The following CTNNAL1 variants were observed in gnomAD, a reference collection of about 807,000 sequenced individuals.
CTNNAL1 encodes catenin alpha like 1.
CTNNAL1 carries 69 observed loss-of-function variants against 93.6 expected under a neutral mutation model. That is an observed-to-expected ratio of 0.74 (90% confidence interval 0.61 to 0.90). CTNNAL1 has a LOEUF of 0.90. CTNNAL1 is among the 40% of genes least tolerant of loss of function. The pLI is 0.00. For synonymous variants in CTNNAL1, 286 were observed against 305.4 expected, an observed-to-expected ratio of 0.94 and a Z score of 0.66; for missense variants, 836 against 862.0, an observed-to-expected ratio of 0.97 and a Z score of 0.38.
At position 108,972,744 on chromosome 9, in the gene CTNNAL1, T is replaced by G; in HGVS notation, c.1278A>C (p.Val426=). The part of the protein sequence containing the change: ...VVLKALKLTG[V]EGNLEALAEY... The stretch of plus-strand genomic sequence containing the variant: ...CAGCCAAAGCTTCTAAATTTCCTTC[T>G]ACTCCAGTAAGTTTTAATGCTTTTA... The change falls in exon 9 of 19, where the codon GTA becomes GTC. Residue 426 remains valine, a synonymous_variant. Coordinates refer to ENST00000325551, the MANE Select transcript of CTNNAL1 (RefSeq NM_003798.4). The G allele has an allele frequency of 6.2e-7, 1 of 1,613,386 alleles. No individual in the cohort carries two copies. The highest frequency in any genetic ancestry group is 8.5e-7 in the Non-Finnish European group (1 of 1,179,964).
At chr9:108,984,537 C>T (rs538364818) in intron 4 of CTNNAL1, 101 bp from the exon 5 acceptor site, 29 of 435,926 alleles carry the variant, frequency 6.7e-5, no homozygotes, top group Non-Finnish European at 1.1e-4. Flanking sequence ...AATTCACTAA[C>T]ATTGTTAAGT....
chr9:108,987,027 G>C lies in CTNNAL1; in HGVS notation c.640-2591C>G, dbSNP rs1831631785. Among the ~76,000 whole-genome samples, 3 of 152,124 alleles carry C rather than the reference G, an allele frequency of 2.0e-5. No individual in the cohort carries two copies. In the South Asian group the frequency reaches 6.2e-4, roughly 32 times the overall value. Reference sequence around the variant, plus strand: ...TCTTTTGCTGTGCAGAAGCTCTTTAGTTTAATTAGATCCCATTTGTCAATG... The same window carrying C: ...TCTTTTGCTGTGCAGAAGCTCTTTACTTTAATTAGATCCCATTTGTCAATG... On this transcript the variant is annotated intron_variant, in intron 4 of 18. Coordinates refer to ENST00000325551, the MANE Select transcript of CTNNAL1 (RefSeq NM_003798.4).
At position 108,985,008 on chromosome 9, in the gene CTNNAL1, G is replaced by T. The variant is rs369000964; in HGVS notation, c.640-572C>A. Among the ~76,000 whole-genome samples, 73 of 152,242 alleles carry T rather than the reference G, an allele frequency of 4.8e-4. 1 individual carries two copies. The South Asian group carries it at 9.8e-3, about 20-fold the overall frequency. On this transcript the variant is annotated intron_variant, in intron 4 of 18. Transcript: ENST00000325551. Reference sequence around the variant, plus strand: ...AATTTTCCCCAACAAGATTGAAAAGGAACACCTAAGAAAGCACTGTGTATT... The same window carrying T: ...AATTTTCCCCAACAAGATTGAAAAGTAACACCTAAGAAAGCACTGTGTATT...
At chr9:109,002,830 AAAAAAG>A (rs1177541732) in intron 1 of CTNNAL1, among the ~76,000 whole-genome samples, 1 of 151,236 alleles carries the variant, frequency 6.6e-6, no homozygotes, top group East Asian at 2.0e-4. Context: ...CTAAAAAAAA[AAAAAAG>A]AAAAAAGTTA....
intron 8 of CTNNAL1, 31 bp from the exon 9 acceptor site, chr9:108,972,864 G>GGGGGGGGGGGGCCCCCCCCCCC: frequency 7.0e-5 from 10 of 142,474 alleles, no homozygotes; most frequent in African/African-American, 9.6e-5. Flanking sequence ...GGGGGGGTGG[G>GGGGGGGGGGGGCCCCCCCCCCC]AGGGTGGAGA....
chr9:108,995,431 G>A (rs926859020), intron 2 of CTNNAL1, among the ~76,000 whole-genome samples: 6 of 152,056 alleles, frequency 3.9e-5, no homozygotes, highest in African/African-American at 9.7e-5. Flanking sequence ...TCATAAGTAC[G>A]TGGGACAGTA....
intron 4 of CTNNAL1, among the ~76,000 whole-genome samples, chr9:108,989,256 C>T (rs1025701479): frequency 6.6e-6 from 1 of 152,110 alleles, no homozygotes; most frequent in Non-Finnish European, 1.5e-5. Context: ...TGACTCATGC[C>T]ACGCTTGCTC....
At chr9:108,967,893 G>A (rs1223408596) in intron 10 of CTNNAL1, among the ~76,000 whole-genome samples, 3 of 152,210 alleles carry the variant, frequency 2.0e-5, no homozygotes, top group African/African-American at 7.2e-5. Context: ...TCAGGGCCAT[G>A]TTAGCTAATA....
At chr9:108,993,728 C>T (rs1228715459) in intron 2 of CTNNAL1, among the ~76,000 whole-genome samples, 1 of 152,150 alleles carries the variant, frequency 6.6e-6, no homozygotes, top group Non-Finnish European at 1.5e-5. Context: ...AAATAATAAA[C>T]CTTTAACCAA....
At chr9:108,958,795 G>A (rs955615670) in intron 11 of CTNNAL1, among the ~76,000 whole-genome samples, 2 of 151,352 alleles carry the variant, frequency 1.3e-5, no homozygotes, top group African/African-American at 4.9e-5. Flanking sequence ...GTGCAATCTC[G>A]GCTCACTGCA....
intron 1 of CTNNAL1, among the ~76,000 whole-genome samples, chr9:109,011,871 C>T (rs1220019787): frequency 6.6e-6 from 1 of 152,226 alleles, no homozygotes; most frequent in Non-Finnish European, 1.5e-5. Flanking sequence ...GTAAGCATTA[C>T]ATAGGTGTTA....
intron 14 of CTNNAL1, among the ~76,000 whole-genome samples, chr9:108,949,914 C>T (rs777013059): frequency 6.6e-6 from 1 of 151,104 alleles, no homozygotes; most frequent in Non-Finnish European, 1.5e-5. Context: ...ATCCCAGCTA[C>T]TCGGGAGGCT....
chr9:109,003,341 T>C (rs1372141674), intron 1 of CTNNAL1, among the ~76,000 whole-genome samples: 1 of 152,224 alleles, frequency 6.6e-6, no homozygotes, highest in Non-Finnish European at 1.5e-5. Context: ...GATAATCGTA[T>C]TGGCAGAAAC....
chr9:108,990,918 G>A (rs1831775559), intron 3 of CTNNAL1, 73 bp from the exon 4 acceptor site: 1 of 1,501,356 alleles, frequency 6.7e-7, no homozygotes, highest in South Asian at 1.4e-5. Context: ...GCTGAGTAGA[G>A]AGAAGAAAAG....
chr9:108,969,425 T>C (rs1291543796), intron 10 of CTNNAL1, among the ~76,000 whole-genome samples: 1 of 152,082 alleles, frequency 6.6e-6, no homozygotes. Context: ...AAAAAAACCC[T>C]AGCTAAACAA....
Position 108,952,314 on chromosome 9 carries a change from G to T in CTNNAL1, c.1730C>A (p.Ser577Tyr). 1.9e-6 allele frequency: 3 copies of T among 1,614,216 alleles called. No homozygotes were observed. The highest frequency in any genetic ancestry group is 2.5e-6 in the Non-Finnish European group (3 of 1,180,044). The change falls in exon 14 of 19, where the codon TCT becomes TAT. Residue 577 changes from serine to tyrosine, a missense_variant. Physicochemically the swap from Ser to Tyr is moderately radical, Grantham distance 144. Coordinates refer to ENST00000325551, the MANE Select transcript of CTNNAL1 (RefSeq NM_003798.4). ...KLGLKLGLLTSDADCEIEKWE... is the reference protein window; with the variant it reads ...KLGLKLGLLTYDADCEIEKWE... ...CTTCTCAATTTCGCAGTCAGCGTCA[G>T]AGGTGAGCAAACCCAGCTTAAGTCC...
At chr9:108,947,174 C>T (rs996331447) in intron 15 of CTNNAL1, among the ~76,000 whole-genome samples, 4 of 145,848 alleles carry the variant, frequency 2.7e-5, no homozygotes, top group Non-Finnish European at 6.0e-5. Flanking sequence ...AGTGCAGTGG[C>T]GTGATCTCAG....
At chr9:109,005,081 A>AT (rs890467078) in intron 1 of CTNNAL1, among the ~76,000 whole-genome samples, 2 of 151,680 alleles carry the variant, frequency 1.3e-5, no homozygotes, top group East Asian at 1.9e-4. Context: ...AATCTTTCCT[A>AT]TTTTTTTTAA....
intron 1 of CTNNAL1, among the ~76,000 whole-genome samples, chr9:109,008,864 T>A (rs527429113): frequency 1.7e-4 from 25 of 150,010 alleles, no homozygotes; most frequent in Non-Finnish European, 2.8e-4. Flanking sequence ...TTCCTTTTGA[T>A]GAACAGAGGT....
Sources: allele counts gnomAD v4.1 joint callset (sites outside exome capture counted in the v4.1 genomes callset), GRCh38; gene constraint gnomAD v4.1.1; transcripts MANE v1.5; gene names NCBI Gene and HGNC (gene_info 2026-07-23, HGNC 2026-07-21).